The following PARD3 variants were observed in gnomAD, a reference collection of about 807,000 sequenced individuals.
PARD3 encodes par-3 family cell polarity regulator.
A neutral mutation model predicts 155.4 loss-of-function variants in PARD3; 75 were observed. The ratio of observed to expected loss-of-function variants is 0.48; its 90% CI spans 0.40 to 0.58. The LOEUF (loss-of-function observed/expected upper bound fraction) is 0.58. PARD3 is among the 20% of genes least tolerant of loss of function. The pLI, the probability that PARD3 is intolerant of heterozygous loss-of-function variation, is 0.00. For synonymous variants in PARD3, 576 were observed against 610.5 expected, an observed-to-expected ratio of 0.94 and a Z score of 0.83; for missense variants, 1,642 against 1,721.7, an observed-to-expected ratio of 0.95 and a Z score of 0.82.
At chr10:34,576,046 C>A (rs920617135) in intron 2 of PARD3, among the ~76,000 whole-genome samples, 1 of 152,228 alleles carries the variant, frequency 6.6e-6, no homozygotes, top group Non-Finnish European at 1.5e-5. Flanking sequence ...CTTCTTCAAG[C>A]TCTGCAGGCA....
chr10:34,786,879 A>C (rs1319849429), intron 1 of PARD3, among the ~76,000 whole-genome samples: 1 of 152,198 alleles, frequency 6.6e-6, no homozygotes, highest in Non-Finnish European at 1.5e-5. Flanking sequence ...GAGTTCAAAG[A>C]GATCATTATT....
chr10:34,807,643 G>C (rs1588855642), intron 1 of PARD3, among the ~76,000 whole-genome samples: 1 of 151,818 alleles, frequency 6.6e-6, no homozygotes, highest in Non-Finnish European at 1.5e-5. Flanking sequence ...CTGATGTACA[G>C]GTTTTGTGTA....
chr10:34,437,592 C>A (rs1400792661), intron 5 of PARD3, among the ~76,000 whole-genome samples: 1 of 151,984 alleles, frequency 6.6e-6, no homozygotes, highest in African/African-American at 2.4e-5. Context: ...AAAAATTTGC[C>A]AGTTTGGGGT....
intron 3 of PARD3, among the ~76,000 whole-genome samples, chr10:34,481,212 AT>A (rs1266859451): frequency 5.3e-5 from 8 of 152,024 alleles, no homozygotes; most frequent in African/African-American, 1.9e-4. Context: ...TTATTTATTT[AT>A]TTATTTATTT....
Position 34,284,241 on chromosome 10 carries a change from C to T in PARD3, c.3070G>A (p.Gly1024Ser). ...LKGLGDMFRFGKHRKDDKIEK... is the reference protein window; with the variant it reads ...LKGLGDMFRFSKHRKDDKIEK... ...ATCTTGTCATCTTTTCGATGTTTGC[C>T]AAACCTGTTAATAACAAAAAATTCT... is the stretch of plus-strand genomic sequence containing the variant. Residue 1024 changes from glycine to serine, a missense_variant, in exon 21 of 25, where the codon GGC (glycine) becomes AGC (serine). By Grantham distance (56) the Gly-to-Ser change is moderately conservative. Around this residue, in one of 3 missense-constraint regions of PARD3, gnomAD observed 1,529 missense variants for 1,587.3 expected, o/e 0.96. Coordinates refer to ENST00000374788, the MANE Select transcript of PARD3 (RefSeq NM_001184785.2). 6.3e-7 allele frequency: 1 copy of T among 1,593,010 alleles called. No homozygotes were observed. Among genetic ancestry groups the T allele is most frequent in the South Asian group, 1.1e-5 (1 of 87,984 alleles).
intron 5 of PARD3, among the ~76,000 whole-genome samples, chr10:34,449,882 C>A (rs1715968517): frequency 6.6e-6 from 1 of 152,162 alleles, no homozygotes. Flanking sequence ...AATCTAAATT[C>A]TAAAACAACA....
intron 2 of PARD3, among the ~76,000 whole-genome samples, chr10:34,661,172 A>G (rs1394420056): frequency 6.6e-6 from 1 of 152,152 alleles, no homozygotes; most frequent in Non-Finnish European, 1.5e-5. Flanking sequence ...TCAGAGCATC[A>G]TGGGAATCTC....
intron 2 of PARD3, among the ~76,000 whole-genome samples, chr10:34,652,205 C>T (rs1341067181): frequency 6.6e-6 from 1 of 152,162 alleles, no homozygotes; most frequent in Non-Finnish European, 1.5e-5. Flanking sequence ...GCACCAGGCT[C>T]GCTGGCTGAA....
At chr10:34,211,414 G>C (rs568656622) in intron 22 of PARD3, among the ~76,000 whole-genome samples, 1 of 152,168 alleles carries the variant, frequency 6.6e-6, no homozygotes, top group South Asian at 2.1e-4. Context: ...TCAGAACTGA[G>C]TGGGGCATAC....
chr10:34,542,202 GGTGT>G (rs1186576618), intron 2 of PARD3, among the ~76,000 whole-genome samples: 1 of 65,704 alleles, frequency 1.5e-5, no homozygotes, highest in African/African-American at 6.0e-5. Context: ...GGTTGTTTGG[GGTGT>G]GTGTGTGTGT....
chr10:34,223,850 C>T (rs1952447029), intron 22 of PARD3, among the ~76,000 whole-genome samples: 1 of 152,178 alleles, frequency 6.6e-6, no homozygotes, highest in African/African-American at 2.4e-5. Context: ...GAAACTGGGG[C>T]TCAGAGACCA....
intron 22 of PARD3, among the ~76,000 whole-genome samples, chr10:34,159,260 G>A (rs183936618): frequency 5.9e-5 from 9 of 152,290 alleles, no homozygotes; most frequent in African/African-American, 9.6e-5. Flanking sequence ...GAGGTTATAC[G>A]TGTTCTCTTT....
At chr10:34,459,734 T>G (rs2077528836) in intron 4 of PARD3, among the ~76,000 whole-genome samples, 1 of 152,130 alleles carries the variant, frequency 6.6e-6, no homozygotes, top group Non-Finnish European at 1.5e-5. Flanking sequence ...AAAACGAATG[T>G]ATATATACAT....
At chr10:34,455,539 G>A (rs1229079094) in intron 4 of PARD3, among the ~76,000 whole-genome samples, 2 of 151,314 alleles carry the variant, frequency 1.3e-5, no homozygotes, top group African/African-American at 2.4e-5. Context: ...TGCCGAGGCT[G>A]GAGCCTCGGC....
intron 19 of PARD3, among the ~76,000 whole-genome samples, chr10:34,318,106 C>T (rs566941422): frequency 1.2e-3 from 182 of 152,292 alleles, no homozygotes; most frequent in African/African-American, 4.3e-3. Flanking sequence ...TAACAATATT[C>T]CATTCCTTGA....
intron 15 of PARD3, chr10:34,346,474 A>T: frequency 7.4e-7 from 1 of 1,347,372 alleles, no homozygotes; most frequent in Non-Finnish European, 9.9e-7. Flanking sequence ...AAATTACAGC[A>T]TATCACTTTG....
intron 22 of PARD3, among the ~76,000 whole-genome samples, chr10:34,163,423 T>C (rs573064340): frequency 3.3e-5 from 5 of 152,226 alleles, no homozygotes; most frequent in Admixed American, 1.3e-4. Context: ...GATGAAAAGA[T>C]AGCACAGGCA....
At position 34,421,614 on chromosome 10, in the gene PARD3, A is replaced by C. The variant is rs1377600272; in HGVS notation, c.715-19697T>G. Among the ~76,000 whole-genome samples, 3 of 152,282 alleles carry C rather than the reference A, an allele frequency of 2.0e-5. No individual in the cohort carries two copies. In the East Asian group the frequency reaches 5.8e-4, roughly 29 times the overall value. On this transcript the variant is annotated intron_variant, in intron 5 of 24. Transcript: ENST00000374788. ...CTAGCTGCAAGCTCATTAAACAATA[A>C]ATCTTATTTGTGAATTCAGAGAGAA...
intron 2 of PARD3, among the ~76,000 whole-genome samples, chr10:34,600,911 C>G (rs1263199499): frequency 6.6e-6 from 1 of 151,792 alleles, no homozygotes; most frequent in Non-Finnish European, 1.5e-5. Flanking sequence ...CCTCAGCCTC[C>G]CAAGCAGCTG....
Sources: gnomAD v4.1 joint callset for allele counts (sites outside exome capture counted in the v4.1 genomes callset) on GRCh38, gnomAD v4.1.1 for gene constraint, gnomAD v4.1.1 regional missense constraint, MANE v1.5 for transcripts, NCBI Gene and HGNC (gene_info 2026-07-23, HGNC 2026-07-21) for gene names.